Variants in NCK2 observed in about 807,000 individuals in gnomAD.
NCK2 encodes the protein NCK adaptor protein 2, also known as cytoplasmic protein NCK2.
NCK2 carries 16 observed loss-of-function variants against 33.9 expected under a neutral mutation model. The observed-to-expected ratio is 0.47, with a 90% CI of 0.32 to 0.72. The LOEUF is 0.72. Among genes scored for constraint, NCK2 ranks in the 30% least tolerant of loss-of-function variants. The pLI, the probability that NCK2 is intolerant of heterozygous loss-of-function variation, is 0.03. For missense variants in NCK2, 418 were observed against 537.3 expected (o/e 0.78, Z 2.19); for synonymous variants, 273 against 239.9 (o/e 1.14, Z -1.27).
At chr2:105,836,139 G>A (rs1442140219) in intron 2 of NCK2, among the ~76,000 whole-genome samples, 1 of 111,472 alleles carries the variant, frequency 9.0e-6, no homozygotes, top group Non-Finnish European at 1.8e-5. Context: ...TCTGTTATTA[G>A]AGAATTACTG....
intron 1 of NCK2, among the ~76,000 whole-genome samples, chr2:105,761,730 A>T (rs1383817902): frequency 1.3e-5 from 2 of 152,128 alleles, no homozygotes; most frequent in Admixed American, 1.3e-4. Context: ...ATACAAAAAA[A>T]TGAGCTGGGT....
chr2:105,874,912 G>A (rs1422320029), intron 3 of NCK2, among the ~76,000 whole-genome samples: 5 of 152,142 alleles, frequency 3.3e-5, no homozygotes, highest in African/African-American at 4.8e-5. Flanking sequence ...GTAGCTTGAT[G>A]CTGCAAAATC....
At chr2:105,770,319 C>A (rs888625711) in intron 1 of NCK2, among the ~76,000 whole-genome samples, 8 of 152,080 alleles carry the variant, frequency 5.3e-5, no homozygotes, top group African/African-American at 1.9e-4. Flanking sequence ...AGTGTGACTC[C>A]AGTTAGAGGT....
chr2:105,765,172 T>TAATA (rs1247961242), intron 1 of NCK2, among the ~76,000 whole-genome samples: 3 of 152,318 alleles, frequency 2.0e-5, no homozygotes, highest in East Asian at 1.9e-4. Flanking sequence ...TTCACCCAAA[T>TAATA]AATACTGCTT....
At chr2:105,827,008 AT>A (rs980435294) in intron 2 of NCK2, among the ~76,000 whole-genome samples, 9 of 150,516 alleles carry the variant, frequency 6.0e-5, no homozygotes, top group African/African-American at 9.7e-5. Flanking sequence ...TTTATTTTTT[AT>A]TTTTTTTTGA....
At chr2:105,792,876 T>A (rs1046539843) in intron 1 of NCK2, among the ~76,000 whole-genome samples, 2 of 152,210 alleles carry the variant, frequency 1.3e-5, no homozygotes, top group African/African-American at 4.8e-5. Context: ...GATGATTTTC[T>A]GATTCAGTCA....
intron 1 of NCK2, among the ~76,000 whole-genome samples, chr2:105,775,635 A>G (rs554764403): frequency 3.7e-4 from 57 of 152,198 alleles, no homozygotes; most frequent in African/African-American, 1.2e-3. Context: ...GTTTCATGCA[A>G]CCTTTCAAGT....
intron 3 of NCK2, among the ~76,000 whole-genome samples, chr2:105,857,880 G>A (rs570615158): frequency 1.3e-5 from 2 of 152,288 alleles, no homozygotes; most frequent in South Asian, 2.1e-4. Flanking sequence ...AGGCACCCCC[G>A]ATCAGGTCTC....
chr2:105,868,622 T>C (rs961603906), intron 3 of NCK2, among the ~76,000 whole-genome samples: 3 of 152,256 alleles, frequency 2.0e-5, no homozygotes, highest in Non-Finnish European at 4.4e-5. Context: ...TTTAACCGGC[T>C]GTGCTAAGAA....
chr2:105,806,363 G>A (rs772312517), intron 1 of NCK2, among the ~76,000 whole-genome samples: 3 of 150,294 alleles, frequency 2.0e-5, no homozygotes, highest in Non-Finnish European at 4.4e-5. Flanking sequence ...TCAGCCTCCC[G>A]AGTAGCTGGG....
chr2:105,803,777 G>T (rs1385746419), intron 1 of NCK2, among the ~76,000 whole-genome samples: 3 of 152,142 alleles, frequency 2.0e-5, no homozygotes, highest in African/African-American at 7.2e-5. Context: ...TCTGAATGGG[G>T]CTGGGCCTCA....
At chr2:105,778,958 T>C (rs1690398497) in intron 1 of NCK2, among the ~76,000 whole-genome samples, 6 of 152,180 alleles carry the variant, frequency 3.9e-5, no homozygotes, top group Admixed American at 3.9e-4. Context: ...TTTTTAAACT[T>C]GGAAATTCAA....
At chr2:105,793,672 C>G (rs1024302475) in intron 1 of NCK2, among the ~76,000 whole-genome samples, 1 of 152,208 alleles carries the variant, frequency 6.6e-6, no homozygotes, top group Non-Finnish European at 1.5e-5. Context: ...TGTATTTTTA[C>G]CCACTGCAGT....
At chr2:105,777,534 C>A (rs1203986617) in intron 1 of NCK2, among the ~76,000 whole-genome samples, 1 of 152,086 alleles carries the variant, frequency 6.6e-6, no homozygotes, top group African/African-American at 2.4e-5. Flanking sequence ...GATAATCATG[C>A]GGATTATACC....
chr2:105,799,544 C>T (rs992769147), intron 1 of NCK2, among the ~76,000 whole-genome samples: 1 of 152,188 alleles, frequency 6.6e-6, no homozygotes, highest in Non-Finnish European at 1.5e-5. Flanking sequence ...CATGTTCCTG[C>T]TTCCTAGTGT....
chr2:105,764,598 A>G (rs552317168), intron 1 of NCK2, among the ~76,000 whole-genome samples: 2 of 152,280 alleles, frequency 1.3e-5, no homozygotes, highest in East Asian at 3.9e-4. Context: ...CAAAGTGCAA[A>G]CCAAACACAC....
intron 1 of NCK2, among the ~76,000 whole-genome samples, chr2:105,815,408 A>G (rs1253775749): frequency 6.6e-6 from 1 of 152,236 alleles, no homozygotes; most frequent in East Asian, 1.9e-4. Flanking sequence ...GATCATAATC[A>G]TGCTAGGGAT....
chr2:105,890,571 C>T (rs1049213187), intron 4 of NCK2, among the ~76,000 whole-genome samples: 1 of 152,230 alleles, frequency 6.6e-6, no homozygotes, highest in Non-Finnish European at 1.5e-5. Context: ...CCCTGGGCCT[C>T]ACATGGGGAT....
chr2:105,831,530 A>G (rs1210052727), intron 2 of NCK2, among the ~76,000 whole-genome samples: 1 of 150,980 alleles, frequency 6.6e-6, no homozygotes, highest in African/African-American at 2.4e-5. Context: ...TTGGGGGCTT[A>G]CATTTAAGTC....
Sources: allele counts gnomAD v4.1 joint callset (sites outside exome capture counted in the v4.1 genomes callset), GRCh38; gene constraint gnomAD v4.1.1; transcripts MANE v1.5; gene names NCBI Gene and HGNC (gene_info 2026-07-23, HGNC 2026-07-21).